The following MYL2 variants were observed in gnomAD, a reference collection of about 807,000 sequenced individuals.
MYL2 encodes myosin regulatory light chain 2, ventricular/cardiac muscle isoform.
Under a neutral mutation model 23.0 loss-of-function variants are expected in MYL2, and 19 were observed. The ratio of observed to expected loss-of-function variants is 0.83; its 90% CI spans 0.58 to 1.21. The LOEUF (loss-of-function observed/expected upper bound fraction) is 1.21, where lower values mean the gene tolerates loss of function less well. Ranked by LOEUF, MYL2 falls within the 50% of genes most tolerant of loss-of-function variation. The pLI is 0.00. For synonymous variants in MYL2, 78 were observed against 76.2 expected (o/e 1.02, Z -0.13); for missense variants, 180 against 215.1 (o/e 0.84, Z 1.02).
chr12:110,912,045 A>G (rs11065766), intron 6 of MYL2, among the ~76,000 whole-genome samples: 54,110 of 152,072 alleles, frequency 0.36, 10,035 homozygotes, highest in African/African-American at 0.44. Context: ...TGTTCAAAGC[A>G]CACAGCAGGT....
In MYL2 at chr12:110,914,966, AC is replaced by A. The variant is rs1416783843; in HGVS notation, c.170-677del. On this transcript the variant is annotated intron_variant, in intron 3 of 6. Transcript: ENST00000228841. Reference sequence around the variant, plus strand: ...AGACAGATCAGGATCACCTGAGGGAACTTTTACAAGTTAAACCTGCTGTAAC... The same window carrying A: ...AGACAGATCAGGATCACCTGAGGGAATTTTACAAGTTAAACCTGCTGTAAC... Among the ~76,000 whole-genome samples the A allele has an allele frequency of 4.6e-5, 7 of 152,320 alleles. No homozygotes were observed. The South Asian group carries it at 1.4e-3, about 32-fold the overall frequency.
intron 5 of MYL2, 42 bp from the exon 6 acceptor site, chr12:110,913,186 G>T: frequency 6.2e-7 from 1 of 1,612,456 alleles, no homozygotes; most frequent in Non-Finnish European, 8.5e-7. Context: ...AGTTGTGTGT[G>T]TGTAGGGGGG....
upstream of MYL2, chr12:110,920,843 C>T (rs2071719899): frequency 2.0e-6 from 1 of 512,040 alleles, no homozygotes; most frequent in Non-Finnish European, 3.5e-6. Flanking sequence ...GCCGGGGACA[C>T]TTGTGCTTGT....
At chr12:110,919,740 C>T (rs1469310935) in intron 1 of MYL2, among the ~76,000 whole-genome samples, 1 of 152,250 alleles carries the variant, frequency 6.6e-6, no homozygotes, top group Non-Finnish European at 1.5e-5. Flanking sequence ...CCTTGCACCA[C>T]ATCAATAGGG....
rs573716459 is a variant in MYL2 at position 110,918,331 on chromosome 12, G to C, written c.93+773C>G. On this transcript the variant is annotated intron_variant, in intron 2 of 6. Transcript: ENST00000228841. The surrounding 1 kb of genome is among the most constrained non-coding windows in gnomAD (Gnocchi z 4.4). ...GGCTAGTGGTTAATAATCAAAGACTGTAAAATGTAAAACCCAGAAGATACT... is the reference window on the plus strand; with the variant it reads ...GGCTAGTGGTTAATAATCAAAGACTCTAAAATGTAAAACCCAGAAGATACT... Among the ~76,000 whole-genome samples, 6 of 152,220 alleles carry C rather than the reference G, an allele frequency of 3.9e-5. No homozygotes were observed. Among genetic ancestry groups the C allele is most frequent in the African/African-American group, 1.4e-4 (6 of 41,534 alleles).
Position 110,919,095 on chromosome 12 carries a change from T to G in MYL2, c.93+9A>C. The G allele has an allele frequency of 6.2e-7, 1 of 1,613,164 alleles. No individual in the cohort carries two copies. Among genetic ancestry groups the G allele is most frequent in the Non-Finnish European group, 8.5e-7 (1 of 1,179,224 alleles). On this transcript the variant is annotated intron_variant, in intron 2 of 6. Transcript: ENST00000228841. ...CCATCCAGGCGGATGATTCAATAGC[T>G]GCACCCACCTCCTTAAATTCCTGGA...
chr12:110,914,330 G>C (rs377604281), intron 3 of MYL2, 40 bp from the exon 4 acceptor site: 2 of 1,450,608 alleles, frequency 1.4e-6, no homozygotes, highest in Middle Eastern at 1.8e-4. Flanking sequence ...CCGAGCTGGG[G>C]AGAAAGAACC....
At chr12:110,920,376 T>C in intron 1 of MYL2, 151 bp downstream of exon 1, 1 of 1,072,584 alleles carries the variant, frequency 9.3e-7, no homozygotes, top group Admixed American at 1.8e-5. Flanking sequence ...TTGGGGTTCC[T>C]CTGTGCCCGC....
At chr12:110,920,505 C>T in intron 1 of MYL2, 22 bp downstream of exon 1, 2 of 1,614,170 alleles carry the variant, frequency 1.2e-6, no homozygotes, top group Non-Finnish European at 8.5e-7. Context: ...GCATCATCAC[C>T]TCCTGGAGCC....
rs190705328 is a variant in MYL2 at position 110,915,396 on chromosome 12, A to G, written c.169+319T>C. Among the ~76,000 whole-genome samples, 44 of 152,346 alleles carry G rather than the reference A, an allele frequency of 2.9e-4. No homozygotes were observed. The East Asian group carries it at 7.5e-3, about 26-fold the overall frequency. On this transcript the variant is annotated intron_variant, in intron 3 of 6. Coordinates refer to ENST00000228841, the MANE Select transcript of MYL2 (RefSeq NM_000432.4). ...TTAGAGGAGGGACTGGAATGTTCAC[A>G]GTGGAATATGACCTTCTGGGTGATG...
chr12:110,914,740 G>A (rs1566148977), intron 3 of MYL2, among the ~76,000 whole-genome samples: 2 of 152,116 alleles, frequency 1.3e-5, no homozygotes, highest in African/African-American at 2.4e-5. Context: ...GGCAGGTCTC[G>A]AAGTCCTGGG....
chr12:110,913,638 T>G (rs965218264), intron 4 of MYL2, among the ~76,000 whole-genome samples: 6 of 152,234 alleles, frequency 3.9e-5, no homozygotes, highest in Admixed American at 3.3e-4. Flanking sequence ...AAACTGGTGA[T>G]AAGAATAGAG....
intron 1 of MYL2, 84 bp from the exon 2 acceptor site, chr12:110,919,277 C>A: frequency 8.6e-7 from 1 of 1,165,100 alleles, no homozygotes. Context: ...GTGTGTTCAT[C>A]TCTGTTGCAG....
At chr12:110,914,144 A>T in intron 4 of MYL2, 42 bp downstream of exon 4, 1 of 1,410,816 alleles carries the variant, frequency 7.1e-7, no homozygotes. Context: ...GAAGAAACAT[A>T]GACACATACA....
intron 6 of MYL2, among the ~76,000 whole-genome samples, chr12:110,912,522 G>C (rs1040775703): frequency 4.6e-5 from 7 of 152,206 alleles, no homozygotes; most frequent in African/African-American, 1.7e-4. Flanking sequence ...CGCAGACCTA[G>C]GTTTGAATCT....
intron 2 of MYL2, among the ~76,000 whole-genome samples, chr12:110,916,258 C>T (rs902397465): frequency 6.6e-6 from 1 of 152,220 alleles, no homozygotes; most frequent in East Asian, 1.9e-4. Flanking sequence ...ATTGCTTGAA[C>T]CCAGGAGGCA....
At chr12:110,911,444 C>T (rs2071652653) in intron 6 of MYL2, among the ~76,000 whole-genome samples, 1 of 152,226 alleles carries the variant, frequency 6.6e-6, no homozygotes, top group Non-Finnish European at 1.5e-5. Context: ...AACTTGGTAC[C>T]TCTCAGGAGA....
At chr12:110,914,748 G>A (rs2071678103) in intron 3 of MYL2, among the ~76,000 whole-genome samples, 1 of 152,146 alleles carries the variant, frequency 6.6e-6, no homozygotes, top group African/African-American at 2.4e-5. Context: ...TCGAAGTCCT[G>A]GGTTCAAGTG....
chr12:110,915,641 G>A, intron 3 of MYL2, 74 bp downstream of exon 3: 2 of 1,465,596 alleles, frequency 1.4e-6, no homozygotes, highest in Non-Finnish European at 9.6e-7. Context: ...GAGCTTTTCT[G>A]ATGGTCCCAC....
Sources: gnomAD v4.1 joint callset for allele counts (sites outside exome capture counted in the v4.1 genomes callset) on GRCh38, gnomAD v4.1.1 for gene constraint, Gnocchi (gnomAD v3.1) non-coding constraint, MANE v1.5 for transcripts, NCBI Gene and HGNC (gene_info 2026-07-23, HGNC 2026-07-21) for gene names.